The following AHI1 variants were observed in gnomAD, a reference collection of about 807,000 sequenced individuals.
AHI1 encodes the protein Abelson helper integration site 1.
Under a neutral mutation model 149.3 loss-of-function variants are expected in AHI1, and 123 were observed. The observed-to-expected ratio is 0.82, with a 90% confidence interval of 0.71 to 0.96. The LOEUF is 0.96. AHI1 is among the 40% of genes least tolerant of loss of function. The pLI is 0.00. For missense variants in AHI1, 1,439 were observed against 1,422.7 expected (o/e 1.01, Z -0.18); for synonymous variants, 475 against 459.8 (o/e 1.03, Z -0.42).
intron 23 of AHI1, among the ~76,000 whole-genome samples, chr6:135,361,912 G>A (rs888432937): frequency 6.6e-6 from 1 of 151,974 alleles, no homozygotes; most frequent in Non-Finnish European, 1.5e-5. Context: ...TTCTTTAGTG[G>A]TGATTTATGA....
At chr6:135,445,811 C>A (rs993747186) in intron 13 of AHI1, among the ~76,000 whole-genome samples, 1 of 152,098 alleles carries the variant, frequency 6.6e-6, no homozygotes. Flanking sequence ...AATCCCAGTA[C>A]TTTGGGAGGC....
chr6:135,316,587 T>C (rs1361798266), intron 26 of AHI1, among the ~76,000 whole-genome samples: 1 of 152,114 alleles, frequency 6.6e-6, no homozygotes, highest in South Asian at 2.1e-4. Context: ...TATTATTTTT[T>C]CTTTTTTTCC....
intron 15 of AHI1, among the ~76,000 whole-genome samples, chr6:135,436,338 A>C (rs1785397783): frequency 6.6e-6 from 1 of 152,208 alleles, no homozygotes; most frequent in Non-Finnish European, 1.5e-5. Context: ...ATATTTCAAG[A>C]CTGGTCAATA....
rs373776587 is a variant in AHI1, at chr6:135,375,819, T to C, written c.3110-17632A>G. 1.7e-3 allele frequency among the ~76,000 whole-genome samples: 253 copies of C among 152,294 alleles called. 1 individual carries two copies. Among genetic ancestry groups the C allele is most frequent in the African/African-American group, 5.8e-3 (243 of 41,558 alleles). ...TTAGTCCCAGATTTTAGTTTCTAAATTGCATTACCTACTAATAGTATCAGA... is the reference window on the plus strand; with the variant it reads ...TTAGTCCCAGATTTTAGTTTCTAAACTGCATTACCTACTAATAGTATCAGA... On this transcript the variant is annotated intron_variant, in intron 23 of 28. Coordinates refer to ENST00000265602, the MANE Select transcript of AHI1 (RefSeq NM_001134831.2).
intron 5 of AHI1, among the ~76,000 whole-genome samples, chr6:135,486,037 T>A (rs1794422873): frequency 6.6e-6 from 1 of 152,226 alleles, no homozygotes. Flanking sequence ...GAGAATTAGA[T>A]GAGTTAATAC....
intron 23 of AHI1, among the ~76,000 whole-genome samples, chr6:135,368,574 A>G (rs1179958334): frequency 6.6e-6 from 1 of 152,130 alleles, no homozygotes; most frequent in African/African-American, 2.4e-5. Flanking sequence ...GCTTGCTGCA[A>G]CTGCTGTGTG....
chr6:135,371,709 G>A (rs2614287), intron 23 of AHI1, among the ~76,000 whole-genome samples: 2 of 151,872 alleles, frequency 1.3e-5, no homozygotes, highest in South Asian at 2.1e-4. Context: ...AGTTTCTTTC[G>A]AAAGATCTAC....
At chr6:135,449,671 T>A (rs1220042065) in intron 11 of AHI1, among the ~76,000 whole-genome samples, 1 of 152,054 alleles carries the variant, frequency 6.6e-6, no homozygotes, top group Admixed American at 6.6e-5. Flanking sequence ...CTTGTAGACT[T>A]ATGTAACTTG....
intron 23 of AHI1, among the ~76,000 whole-genome samples, chr6:135,392,597 T>C (rs1441414579): frequency 6.6e-6 from 1 of 152,244 alleles, no homozygotes; most frequent in Non-Finnish European, 1.5e-5. Flanking sequence ...GAGATTTTTA[T>C]TTTTAAACAT....
chr6:135,484,607 A>G (rs945915181), intron 5 of AHI1, among the ~76,000 whole-genome samples: 2 of 152,130 alleles, frequency 1.3e-5, no homozygotes, highest in Admixed American at 6.5e-5. Context: ...ATTATAGGAT[A>G]ATTATAAAAT....
chr6:135,417,798 A>T (rs756809731), intron 20 of AHI1, among the ~76,000 whole-genome samples: 2 of 152,022 alleles, frequency 1.3e-5, no homozygotes, highest in African/African-American at 4.8e-5. Context: ...AGTTTCTCAG[A>T]TACTAGAAAC....
intron 6 of AHI1, among the ~76,000 whole-genome samples, 166 bp from the exon 7 acceptor site, chr6:135,466,539 T>C (rs769061481): frequency 3.3e-5 from 5 of 152,228 alleles, no homozygotes; most frequent in Non-Finnish European, 5.9e-5. Context: ...ACTCTCATAA[T>C]TTATGCTTCC....
At chr6:135,417,654 A>C (rs1782571845) in intron 20 of AHI1, among the ~76,000 whole-genome samples, 1 of 151,944 alleles carries the variant, frequency 6.6e-6, no homozygotes, top group Non-Finnish European at 1.5e-5. Flanking sequence ...TTTTTCATCT[A>C]AAGGAAATTT....
intron 23 of AHI1, among the ~76,000 whole-genome samples, chr6:135,392,783 G>A (rs371905653): frequency 1.2e-4 from 19 of 152,300 alleles, no homozygotes; most frequent in African/African-American, 4.6e-4. Context: ...TTGGAGGGAT[G>A]AGAAAACTCT....
At chr6:135,314,740 G>C (rs1365359128) in intron 26 of AHI1, among the ~76,000 whole-genome samples, 1 of 152,122 alleles carries the variant, frequency 6.6e-6, no homozygotes, top group African/African-American at 2.4e-5. Context: ...ATGAGAGCCG[G>C]GAGTTAACAA....
At position 135,340,671 on chromosome 6, in the gene AHI1, A is replaced by ATATG. The variant is rs1790209669; in HGVS notation, c.3166-17348_3166-17347insCATA. 2.4e-5 allele frequency among the ~76,000 whole-genome samples: 3 copies of ATATG among 127,060 alleles called. No individual in the cohort carries two copies. The South Asian group carries it at 7.3e-4, about 31-fold the overall frequency. 83.4% of individuals were successfully genotyped at this position (127,060 alleles called of 152,430 possible). A position where few individuals can be genotyped will look rare whatever the true frequency, so the allele number is the denominator to read the frequency against. On this transcript the variant is annotated intron_variant, in intron 24 of 28. Coordinates refer to ENST00000265602, the MANE Select transcript of AHI1 (RefSeq NM_001134831.2). ...TATACATACATACATATATATATAT[A>ATATG]TATATATATATATATATATATATAT... is the stretch of plus-strand genomic sequence containing the variant.
chr6:135,482,409 T>G (rs1395149386), intron 5 of AHI1, among the ~76,000 whole-genome samples: 1 of 152,018 alleles, frequency 6.6e-6, no homozygotes, highest in East Asian at 1.9e-4. Context: ...GTTTACAAAA[T>G]TCCCTAATAT....
intron 25 of AHI1, among the ~76,000 whole-genome samples, chr6:135,322,477 CTTT>C (rs34814575): frequency 6.6e-6 from 1 of 150,530 alleles, no homozygotes; most frequent in African/African-American, 2.4e-5. Flanking sequence ...TTCCCTAGCT[CTTT>C]TTTTTTTCAT....
chr6:135,438,540 C>A, intron 14 of AHI1, 42 bp from the exon 15 acceptor site: 1 of 1,456,526 alleles, frequency 6.9e-7, no homozygotes, highest in Non-Finnish European at 9.3e-7. Flanking sequence ...GACAGAAGAT[C>A]CTTAATCCAA....
Sources: allele counts gnomAD v4.1 joint callset (sites outside exome capture counted in the v4.1 genomes callset), GRCh38; gene constraint gnomAD v4.1.1; transcripts MANE v1.5; gene names NCBI Gene and HGNC (gene_info 2026-07-23, HGNC 2026-07-21).